Variants in KLHL1 observed in about 807,000 individuals in gnomAD.
The protein encoded by KLHL1 is kelch like family member 1, also known as kelch-like protein 1.
A neutral mutation model predicts 77.7 loss-of-function variants in KLHL1; 47 were observed. The ratio of observed to expected loss-of-function variants is 0.60; its 90% CI spans 0.48 to 0.77. The LOEUF (loss-of-function observed/expected upper bound fraction) is 0.77, where lower values mean the gene tolerates loss of function less well. Ranked by LOEUF, KLHL1 falls within the 30% of genes least tolerant of loss-of-function variation. KLHL1 has a pLI of 0.00. For synonymous variants in KLHL1, 360 were observed against 325.2 expected, an observed-to-expected ratio of 1.11 and a Z score of -1.15; for missense variants, 925 against 910.8, an observed-to-expected ratio of 1.02 and a Z score of -0.20.
intron 6 of KLHL1, among the ~76,000 whole-genome samples, chr13:69,813,444 G>A (rs910438613): frequency 1.3e-5 from 2 of 149,688 alleles, no homozygotes; most frequent in South Asian, 2.1e-4. Flanking sequence ...TGCATGTTGT[G>A]CACATATAAA....
At chr13:70,022,887 G>A (rs989962344) in intron 1 of KLHL1, among the ~76,000 whole-genome samples, 1 of 151,850 alleles carries the variant, frequency 6.6e-6, no homozygotes, top group Non-Finnish European at 1.5e-5. Context: ...TGTATTAAGA[G>A]TTTTCAAGAA....
At chr13:69,720,946 T>A in intron 8 of KLHL1, among the ~76,000 whole-genome samples, 1 of 136,684 alleles carries the variant, frequency 7.3e-6, no homozygotes, top group Admixed American at 7.8e-5. Flanking sequence ...ATTAGATGTG[T>A]GAAAGGAAAA....
intron 6 of KLHL1, among the ~76,000 whole-genome samples, chr13:69,832,646 AAAC>A (rs377565783): frequency 6.6e-5 from 9 of 135,676 alleles, no homozygotes; most frequent in South Asian, 4.3e-4. Context: ...AAGCAAGACT[AAAC>A]AACAACAACA....
intron 8 of KLHL1, among the ~76,000 whole-genome samples, chr13:69,738,350 G>C (rs1873849108): frequency 6.6e-6 from 1 of 152,098 alleles, no homozygotes; most frequent in African/African-American, 2.4e-5. Context: ...TTCTCCAAAT[G>C]ATAGCAACAT....
intron 5 of KLHL1, among the ~76,000 whole-genome samples, chr13:69,877,321 T>C (rs1593910696): frequency 6.6e-6 from 1 of 152,266 alleles, no homozygotes; most frequent in African/African-American, 2.4e-5. Context: ...TCTTATGAAT[T>C]CAATTAAAAT....
chr13:70,027,530 C>A (rs113090972), intron 1 of KLHL1, among the ~76,000 whole-genome samples: 2 of 140,624 alleles, frequency 1.4e-5, no homozygotes, highest in African/African-American at 2.8e-5. Flanking sequence ...TTTCATACAG[C>A]AAAGGGGGAG....
At chr13:70,077,462 T>C (rs1250306433) in intron 1 of KLHL1, among the ~76,000 whole-genome samples, 1 of 151,494 alleles carries the variant, frequency 6.6e-6, no homozygotes, top group East Asian at 1.9e-4. Flanking sequence ...GTGGGAATAA[T>C]GAATATGTGG....
intron 4 of KLHL1, among the ~76,000 whole-genome samples, chr13:69,922,110 T>C (rs961793266): frequency 1.4e-4 from 22 of 151,860 alleles, no homozygotes; most frequent in African/African-American, 5.1e-4. Context: ...TAAAATTTAT[T>C]TGCCTTCCTT....
intron 4 of KLHL1, among the ~76,000 whole-genome samples, chr13:69,922,460 A>G (rs1201311668): frequency 6.6e-6 from 1 of 151,932 alleles, no homozygotes; most frequent in Non-Finnish European, 1.5e-5. Context: ...GAGTTTATAA[A>G]AAGACTGTTT....
chr13:69,746,415 T>G (rs569566652), intron 7 of KLHL1, among the ~76,000 whole-genome samples: 3 of 151,994 alleles, frequency 2.0e-5, no homozygotes, highest in African/African-American at 7.2e-5. Context: ...CTCTAAAGTC[T>G]AATTAATTTA....
rs190821340 is a variant in KLHL1 at position 69,813,052 on chromosome 13, T to C, written c.1415-16090A>G. Among the ~76,000 whole-genome samples the C allele has an allele frequency of 3.1e-4, 47 of 151,150 alleles. No homozygotes were observed. The Middle Eastern group carries it at 0.01, about 33-fold the overall frequency. ...ATGTTTATTGTGGCACTATTCACAA[T>C]AGCAAAGACTCGGAACCAACCCAAA... On this transcript the variant is annotated intron_variant, in intron 6 of 10. Coordinates refer to ENST00000377844, the MANE Select transcript of KLHL1 (RefSeq NM_020866.3).
At chr13:69,923,417 G>A (rs1882708179) in intron 4 of KLHL1, among the ~76,000 whole-genome samples, 2 of 152,176 alleles carry the variant, frequency 1.3e-5, no homozygotes, top group South Asian at 2.1e-4. Context: ...GAGGGCAGGT[G>A]CTAAAGTTCT....
chr13:69,748,307 G>A (rs896840702), intron 7 of KLHL1, among the ~76,000 whole-genome samples: 2 of 151,962 alleles, frequency 1.3e-5, no homozygotes, highest in South Asian at 4.1e-4. Flanking sequence ...AAGAAAAAGA[G>A]GTTTAATTTG....
Position 70,000,884 on chromosome 13 carries a change from A to G in KLHL1, c.498-25082T>C, listed in dbSNP as rs1470818585. 1.4e-4 allele frequency among the ~76,000 whole-genome samples: 21 copies of G among 151,132 alleles called. No individual in the cohort carries two copies. In the Admixed American group the frequency reaches 1.4e-3, roughly 10 times the overall value. ...AAATAAAAAGAATGAGGATAATAAG[A>G]TCAAATAAAATAGAAAAAAGCAAAG... On this transcript the variant is annotated intron_variant, in intron 1 of 10. Coordinates refer to ENST00000377844, the MANE Select transcript of KLHL1 (RefSeq NM_020866.3).
intron 7 of KLHL1, among the ~76,000 whole-genome samples, chr13:69,773,863 CTA>C (rs72007331): frequency 0.31 from 45,516 of 145,568 alleles, 6,910 homozygotes; most frequent in South Asian, 0.34. Flanking sequence ...AAGTCCTTGG[CTA>C]TATATATATA....
intron 6 of KLHL1, among the ~76,000 whole-genome samples, chr13:69,835,458 C>A (rs1462266284): frequency 6.6e-6 from 1 of 152,178 alleles, no homozygotes; most frequent in East Asian, 1.9e-4. Context: ...ACAATAAGAT[C>A]TGGAGCATCT....
chr13:69,933,612 G>T (rs1181372618), intron 4 of KLHL1, among the ~76,000 whole-genome samples: 1 of 151,994 alleles, frequency 6.6e-6, no homozygotes, highest in Non-Finnish European at 1.5e-5. Context: ...ATTCTGAAAG[G>T]GCAGCTACTC....
intron 4 of KLHL1, among the ~76,000 whole-genome samples, chr13:69,926,140 A>G (rs369805380): frequency 6.6e-6 from 1 of 152,180 alleles, no homozygotes; most frequent in Non-Finnish European, 1.5e-5. Flanking sequence ...TAATCATCAC[A>G]GCTGTTCGGT....
intron 1 of KLHL1, among the ~76,000 whole-genome samples, chr13:70,049,445 T>C (rs1886578867): frequency 6.6e-6 from 1 of 152,154 alleles, no homozygotes; most frequent in African/African-American, 2.4e-5. Context: ...TCGATCTGAA[T>C]TACAAAGAAA....
Sources: gnomAD v4.1 joint callset for allele counts (sites outside exome capture counted in the v4.1 genomes callset) on GRCh38, gnomAD v4.1.1 for gene constraint, MANE v1.5 for transcripts, NCBI Gene and HGNC (gene_info 2026-07-23, HGNC 2026-07-21) for gene names.